The following SMOC2 variants were observed in gnomAD, a reference collection of about 807,000 sequenced individuals.
SMOC2 encodes the protein SPARC related modular calcium binding 2.
A neutral mutation model predicts 61.4 loss-of-function variants in SMOC2; 39 were observed. The ratio of observed to expected loss-of-function variants is 0.64; its 90% CI spans 0.49 to 0.83. The LOEUF (loss-of-function observed/expected upper bound fraction) is 0.83. SMOC2 is among the 40% of genes least tolerant of loss of function. The pLI is 0.00. For missense variants in SMOC2, 556 were observed against 592.9 expected (o/e 0.94, Z 0.65); for synonymous variants, 247 against 239.9 (o/e 1.03, Z -0.27).
At chr6:168,487,329 G>GTC (rs1782359433) in intron 1 of SMOC2, among the ~76,000 whole-genome samples, 1 of 152,054 alleles carries the variant, frequency 6.6e-6, no homozygotes, top group Non-Finnish European at 1.5e-5. Context: ...CAACTTGATT[G>GTC]ACTACTCGTC....
At chr6:168,474,499 G>A (rs919247080) in intron 1 of SMOC2, among the ~76,000 whole-genome samples, 7 of 152,086 alleles carry the variant, frequency 4.6e-5, no homozygotes, top group African/African-American at 1.7e-4. Context: ...TGGCCGCTTG[G>A]TTCTGGCCTC....
At chr6:168,510,887 T>G (rs9456150) in intron 2 of SMOC2, among the ~76,000 whole-genome samples, 1 of 152,212 alleles carries the variant, frequency 6.6e-6, no homozygotes, top group South Asian at 2.1e-4. Flanking sequence ...TTTGCCTTGT[T>G]CTTTAGGCCT....
intron 6 of SMOC2, among the ~76,000 whole-genome samples, chr6:168,548,169 G>T (rs568417465): frequency 6.6e-6 from 1 of 152,068 alleles, no homozygotes; most frequent in African/African-American, 2.4e-5. Context: ...GGTCCTAAGC[G>T]CTACACAATG....
rs75892609 is a variant in SMOC2, at chr6:168,628,112, C to T, written c.907+19873C>T. ...CCTTCCTTGGCCTCCCTGGGCGCGCCTGTGGCCCCCTAGGTTTGCCATGGC... is the reference window on the plus strand; with the variant it reads ...CCTTCCTTGGCCTCCCTGGGCGCGCTTGTGGCCCCCTAGGTTTGCCATGGC... On this transcript the variant is annotated intron_variant, in intron 9 of 12. Transcript: ENST00000356284. 7.6e-3 allele frequency among the ~76,000 whole-genome samples: 1,161 copies of T among 152,374 alleles called. 6 individuals are homozygous for T. Among genetic ancestry groups the T allele is most frequent in the African/African-American group, 0.026 (1,077 of 41,586 alleles).
intron 7 of SMOC2, among the ~76,000 whole-genome samples, chr6:168,598,437 GAGA>G (rs1467584561): frequency 2.0e-5 from 3 of 152,208 alleles, no homozygotes; most frequent in Admixed American, 6.5e-5. Flanking sequence ...GCAGGGAGTG[GAGA>G]AGACTTCCAG....
chr6:168,528,419 A>T (rs1352732990), intron 4 of SMOC2, among the ~76,000 whole-genome samples: 1 of 152,246 alleles, frequency 6.6e-6, no homozygotes, highest in Non-Finnish European at 1.5e-5. Context: ...TTCCTGGATC[A>T]TATGTATTAA....
chr6:168,441,266 C>T lies in SMOC2; in HGVS notation c.-105C>T, dbSNP rs1781197879. 2 of 1,375,144 alleles carry T rather than the reference C, an allele frequency of 1.5e-6. No individual in the cohort carries two copies. The highest frequency in any genetic ancestry group is 3.1e-5 in the East Asian group (1 of 31,934). 85.2% of individuals were successfully genotyped at this position (1,375,144 alleles called of 1,614,324 possible). On this transcript the variant is annotated 5_prime_UTR_variant, in exon 1 of 13. Coordinates refer to ENST00000356284, the MANE Select transcript of SMOC2 (RefSeq NM_001166412.2). ...CGGTGGGGAGAGCATCGCGGAGCCG[C>T]CCCTCCACGCGCCCGCCCAGCCGCG...
intron 11 of SMOC2, chr6:168,655,514 C>T (rs193232539): frequency 9.2e-6 from 4 of 434,578 alleles, no homozygotes; most frequent in African/African-American, 8.1e-5. Flanking sequence ...ATGCCCTGAT[C>T]CCACTGCACA....
intron 7 of SMOC2, among the ~76,000 whole-genome samples, chr6:168,576,113 G>A (rs1032175198): frequency 2.6e-5 from 4 of 152,074 alleles, no homozygotes; most frequent in African/African-American, 7.3e-5. Context: ...TGTGCCAAGC[G>A]GTGAAGACTG....
intron 4 of SMOC2, among the ~76,000 whole-genome samples, chr6:168,540,804 C>T (rs1354101065): frequency 6.6e-6 from 1 of 152,152 alleles, no homozygotes; most frequent in Admixed American, 6.5e-5. Context: ...AAACCTGCCC[C>T]CAGGATGTGA....
At chr6:168,559,452 C>G (rs1282448649) in intron 7 of SMOC2, among the ~76,000 whole-genome samples, 1 of 146,506 alleles carries the variant, frequency 6.8e-6, no homozygotes, top group Non-Finnish European at 1.5e-5. Context: ...GAGACTCTGT[C>G]TCAAAAAAAT....
At chr6:168,592,630 G>A (rs74661356) in intron 7 of SMOC2, among the ~76,000 whole-genome samples, 4 of 106,266 alleles carry the variant, frequency 3.8e-5, no homozygotes, top group Admixed American at 1.9e-4. Context: ...GAGGCTTCAC[G>A]GGCATCTTTC....
At chr6:168,567,539 C>T (rs537983127) in intron 7 of SMOC2, among the ~76,000 whole-genome samples, 19 of 151,674 alleles carry the variant, frequency 1.3e-4, no homozygotes, top group African/African-American at 4.1e-4. Context: ...TGTAAAGCCA[C>T]GTTGAATATC....
intron 1 of SMOC2, 38 bp downstream of exon 1, chr6:168,441,492 G>T (rs1243134620): frequency 6.8e-7 from 1 of 1,462,868 alleles, no homozygotes; most frequent in Admixed American, 2.5e-5. Flanking sequence ...CTCAAGTGGT[G>T]CCGCCTCTTG....
intron 9 of SMOC2, among the ~76,000 whole-genome samples, chr6:168,642,399 C>G (rs1786914952): frequency 6.6e-6 from 1 of 152,212 alleles, no homozygotes; most frequent in Admixed American, 6.5e-5. Flanking sequence ...GACGTCTCCA[C>G]TTGCTACAGT....
chr6:168,636,950 T>TC (rs1264341673), intron 9 of SMOC2, among the ~76,000 whole-genome samples: 14 of 98,820 alleles, frequency 1.4e-4, no homozygotes, highest in African/African-American at 5.7e-4. Context: ...CCCTCTTCCC[T>TC]CCTCTTTCCT....
chr6:168,534,173 G>A (rs989211776), intron 4 of SMOC2, among the ~76,000 whole-genome samples: 4 of 152,100 alleles, frequency 2.6e-5, no homozygotes, highest in Admixed American at 1.3e-4. Flanking sequence ...TCTGTAACAC[G>A]TAAATTTATA....
chr6:168,612,153 A>G (rs1314177798), intron 9 of SMOC2, among the ~76,000 whole-genome samples: 1 of 152,184 alleles, frequency 6.6e-6, no homozygotes, highest in African/African-American at 2.4e-5. Flanking sequence ...TGGGCTTTCC[A>G]GTGTGGGGAG....
At chr6:168,513,841 C>A (rs1308585652) in intron 2 of SMOC2, among the ~76,000 whole-genome samples, 6 of 152,208 alleles carry the variant, frequency 3.9e-5, no homozygotes, top group Admixed American at 3.9e-4. Context: ...CTGGCAGCAT[C>A]CTCCAGGTGG....
Sources: allele counts gnomAD v4.1 joint callset (sites outside exome capture counted in the v4.1 genomes callset), GRCh38; gene constraint gnomAD v4.1.1; transcripts MANE v1.5; gene names NCBI Gene and HGNC (gene_info 2026-07-23, HGNC 2026-07-21).